LYPLAL1: variants seen among roughly 807,000 people sequenced by gnomAD.
LYPLAL1 encodes lysophospholipase like 1, also known as lysophospholipase-like protein 1.
Under a neutral mutation model 19.7 loss-of-function variants are expected in LYPLAL1, and 23 were observed. The observed-to-expected ratio is 1.17, with a 90% CI of 0.84 to 1.65. The LOEUF (loss-of-function observed/expected upper bound fraction) is 1.65. Among genes scored for constraint, LYPLAL1 ranks in the 40% most tolerant of loss-of-function variants. The probability of loss-of-function intolerance (pLI) is 0.00; values close to 1 mark genes in which losing one functional copy is unlikely to be tolerated. For synonymous variants in LYPLAL1, 119 were observed against 96.3 expected, an observed-to-expected ratio of 1.24 and a Z score of -1.38; for missense variants, 355 against 279.4, an observed-to-expected ratio of 1.27 and a Z score of -1.93.
chr1:219,307,837 C>T, the LYPLAL1 span, among the ~76,000 whole-genome samples: 49,010 of 151,926 alleles, frequency 0.32, 8,340 homozygotes, highest in East Asian at 0.61. Flanking sequence ...TTTTTCTTGC[C>T]GCCGCCATGT....
At chr1:219,377,418 A>G in the LYPLAL1 span, among the ~76,000 whole-genome samples, 1 of 152,326 alleles carries the variant, frequency 6.6e-6, no homozygotes, top group East Asian at 1.9e-4. Context: ...GATGGTGGTG[A>G]TGCTTGCACA....
chr1:219,210,397 T>TA (rs1388731389), intron 3 of LYPLAL1, 135 bp from the exon 4 acceptor site: 18 of 567,672 alleles, frequency 3.2e-5, no homozygotes, highest in African/African-American at 2.1e-4. Flanking sequence ...CTGTGAAACT[T>TA]AGAGTAGACG....
At chr1:219,280,671 T>G in the LYPLAL1 span, among the ~76,000 whole-genome samples, 17 of 152,316 alleles carry the variant, frequency 1.1e-4, no homozygotes, top group South Asian at 8.3e-4. Context: ...TACTCTCATA[T>G]GCATTGATTT....
the LYPLAL1 span, among the ~76,000 whole-genome samples, chr1:219,375,431 A>C: frequency 1.4e-5 from 2 of 146,322 alleles, no homozygotes. Flanking sequence ...GCAGCACTGC[A>C]CTCGAGCCAG....
At chr1:219,184,325 TG>T (rs1558223600) in intron 2 of LYPLAL1, among the ~76,000 whole-genome samples, 1 of 151,946 alleles carries the variant, frequency 6.6e-6, no homozygotes, top group Non-Finnish European at 1.5e-5. Context: ...ATTTTCAAAT[TG>T]TTGCTAGTAC....
At chr1:219,187,148 AT>A (rs1656796012) in intron 2 of LYPLAL1, among the ~76,000 whole-genome samples, 1 of 151,582 alleles carries the variant, frequency 6.6e-6, no homozygotes, top group African/African-American at 2.4e-5. Context: ...CAAGGTTATA[AT>A]TTTTGTTTTC....
downstream of LYPLAL1, among the ~76,000 whole-genome samples, chr1:219,213,369 ATT>A (rs563433509): frequency 7.1e-6 from 1 of 139,992 alleles, no homozygotes; most frequent in Non-Finnish European, 1.6e-5. Context: ...CTCTCAGTTT[ATT>A]TTTTTTTCAA....
chr1:219,232,125 TG>T, the LYPLAL1 span, among the ~76,000 whole-genome samples: 3 of 152,322 alleles, frequency 2.0e-5, no homozygotes, highest in African/African-American at 7.2e-5. Flanking sequence ...GCTTTCATAC[TG>T]TGTTTGTTTT....
At chr1:219,273,856 G>A in the LYPLAL1 span, among the ~76,000 whole-genome samples, 1 of 152,070 alleles carries the variant, frequency 6.6e-6, no homozygotes, top group Admixed American at 6.6e-5. Flanking sequence ...CCGCCTCCCA[G>A]GTTCAAGCGA....
At chr1:219,443,371 G>A in the LYPLAL1 span, among the ~76,000 whole-genome samples, 1 of 152,224 alleles carries the variant, frequency 6.6e-6, no homozygotes, top group East Asian at 1.9e-4. Context: ...AACCTCTAAT[G>A]CATCTACTAA....
intron 1 of LYPLAL1, among the ~76,000 whole-genome samples, chr1:219,176,110 A>G (rs1459484828): frequency 3.3e-5 from 5 of 152,234 alleles, no homozygotes; most frequent in African/African-American, 4.8e-5. Flanking sequence ...CAGCCATAGA[A>G]GAACATATGG....
the LYPLAL1 span, among the ~76,000 whole-genome samples, chr1:219,362,002 A>G: frequency 4.6e-5 from 7 of 152,228 alleles, no homozygotes; most frequent in Non-Finnish European, 7.4e-5. Context: ...AACCAGCAAC[A>G]TACTGGGGAA....
intron 3 of LYPLAL1, among the ~76,000 whole-genome samples, chr1:219,198,985 T>C (rs1657843898): frequency 6.6e-6 from 1 of 152,176 alleles, no homozygotes; most frequent in Non-Finnish European, 1.5e-5. Context: ...TCATAATATA[T>C]GTGGCAACCA....
chr1:219,235,387 G>T, the LYPLAL1 span, among the ~76,000 whole-genome samples: 1 of 152,170 alleles, frequency 6.6e-6, no homozygotes, highest in African/African-American at 2.4e-5. Context: ...AGACCCCTCT[G>T]AAAGGGAAAG....
At chr1:219,439,311 C>A in the LYPLAL1 span, among the ~76,000 whole-genome samples, 1 of 152,126 alleles carries the variant, frequency 6.6e-6, no homozygotes, top group African/African-American at 2.4e-5. Context: ...TAACCTCCCC[C>A]ACTAGATTAC....
chr1:219,390,150 C>T, the LYPLAL1 span, among the ~76,000 whole-genome samples: 2 of 152,134 alleles, frequency 1.3e-5, no homozygotes, highest in African/African-American at 2.4e-5. Flanking sequence ...ACTGACTACA[C>T]TGTGTAAATG....
At chr1:219,310,393 G>T in the LYPLAL1 span, among the ~76,000 whole-genome samples, 1 of 152,166 alleles carries the variant, frequency 6.6e-6, no homozygotes, top group Non-Finnish European at 1.5e-5. Flanking sequence ...ACTCACAAGA[G>T]CCCAGATTGG....
chr1:219,310,871 T>G, the LYPLAL1 span, among the ~76,000 whole-genome samples: 2,151 of 152,350 alleles, frequency 0.014, 24 homozygotes, highest in Middle Eastern at 0.031. Flanking sequence ...AAAATTTAAC[T>G]CTTAGTAGCC....
At chr1:219,309,024 C>T in the LYPLAL1 span, among the ~76,000 whole-genome samples, 6 of 152,194 alleles carry the variant, frequency 3.9e-5, no homozygotes, top group Admixed American at 2.0e-4. Flanking sequence ...TGCAAAGCCA[C>T]AGGGGCGGAA....
Sources: allele counts gnomAD v4.1 joint callset (sites outside exome capture counted in the v4.1 genomes callset), GRCh38; gene constraint gnomAD v4.1.1; transcripts MANE v1.5; gene names NCBI Gene and HGNC (gene_info 2026-07-23, HGNC 2026-07-21).